FILIP1L: variants seen among roughly 807,000 people sequenced by gnomAD.
The protein encoded by FILIP1L is filamin A-interacting protein 1-like.
A neutral mutation model predicts 96.6 loss-of-function variants in FILIP1L; 55 were observed. The observed-to-expected ratio is 0.57, with a 90% CI of 0.46 to 0.71. The LOEUF is 0.71. FILIP1L is among the 30% of genes least tolerant of loss of function. The pLI is 0.00. For missense variants in FILIP1L, 1,304 were observed against 1,321.2 expected (o/e 0.99, Z 0.20); for synonymous variants, 467 against 473.9 (o/e 0.99, Z 0.19).
chr3:100,044,079 C>G (rs1342252988), intron 1 of FILIP1L, among the ~76,000 whole-genome samples: 2 of 152,186 alleles, frequency 1.3e-5, no homozygotes, highest in Non-Finnish European at 2.9e-5. Flanking sequence ...CTATGACAAA[C>G]TCTGTCCTGC....
intron 1 of FILIP1L, among the ~76,000 whole-genome samples, chr3:100,052,471 A>T (rs2065390774): frequency 6.6e-6 from 1 of 152,026 alleles, no homozygotes; most frequent in South Asian, 2.1e-4. Flanking sequence ...CAGTTGGAGG[A>T]TGGGTCTTAT....
intron 4 of FILIP1L, among the ~76,000 whole-genome samples, chr3:99,863,212 C>T (rs551100740): frequency 4.9e-4 from 74 of 152,280 alleles, no homozygotes; most frequent in Non-Finnish European, 5.4e-4. Flanking sequence ...ACCTAGATCC[C>T]TCACCTGCAC....
intron 1 of FILIP1L, among the ~76,000 whole-genome samples, chr3:100,063,013 TAGG>T (rs1375826801): frequency 1.3e-5 from 2 of 152,252 alleles, no homozygotes; most frequent in Non-Finnish European, 2.9e-5. Flanking sequence ...GCAAAATTTC[TAGG>T]AGTTCTCAGG....
chr3:99,983,464 G>GTATGTA (rs1709219766), intron 1 of FILIP1L, among the ~76,000 whole-genome samples: 1 of 12,676 alleles, frequency 7.9e-5, no homozygotes, highest in Non-Finnish European at 1.7e-4. Flanking sequence ...ATATATGTGT[G>GTATGTA]TATATATATA....
At chr3:100,020,759 G>C (rs1333148943) in intron 1 of FILIP1L, among the ~76,000 whole-genome samples, 1 of 111,628 alleles carries the variant, frequency 9.0e-6, no homozygotes, top group Non-Finnish European at 1.8e-5. Flanking sequence ...TGAATAATTA[G>C]CTTTTTTTTT....
chr3:99,970,880 T>G (rs1212552658), intron 1 of FILIP1L, among the ~76,000 whole-genome samples: 1 of 152,142 alleles, frequency 6.6e-6, no homozygotes, highest in African/African-American at 2.4e-5. Flanking sequence ...TGGATGCAAT[T>G]AAAGGGAAAA....
intron 1 of FILIP1L, among the ~76,000 whole-genome samples, chr3:100,003,855 G>A (rs1387788262): frequency 1.3e-5 from 2 of 152,094 alleles, no homozygotes; most frequent in Non-Finnish European, 2.9e-5. Context: ...AACTTTGCAT[G>A]AGTTCAACTA....
At chr3:99,947,892 T>G (rs1255206078) in intron 1 of FILIP1L, among the ~76,000 whole-genome samples, 2 of 152,202 alleles carry the variant, frequency 1.3e-5, no homozygotes, top group Non-Finnish European at 2.9e-5. Flanking sequence ...GCACATTTTT[T>G]CCTTTCATGG....
At chr3:100,091,890 G>T (rs2066116754) in intron 1 of FILIP1L, among the ~76,000 whole-genome samples, 1 of 152,132 alleles carries the variant, frequency 6.6e-6, no homozygotes, top group South Asian at 2.1e-4. Flanking sequence ...AACTGTAAAG[G>T]CAGTATATAA....
At chr3:99,924,434 G>A (rs962804414) in intron 3 of FILIP1L, 26 bp from the exon 4 acceptor site, 2 of 1,603,816 alleles carry the variant, frequency 1.2e-6, no homozygotes, top group Non-Finnish European at 1.7e-6. Context: ...TTTATAGCCT[G>A]TTACCAAATT....
At chr3:99,893,628 AT>A (rs1706162152) in intron 4 of FILIP1L, among the ~76,000 whole-genome samples, 1 of 152,158 alleles carries the variant, frequency 6.6e-6, no homozygotes, top group Admixed American at 6.5e-5. Flanking sequence ...GAATTACATC[AT>A]TTGTTTGACA....
At chr3:99,835,507 C>G (rs745575778) in intron 5 of FILIP1L, among the ~76,000 whole-genome samples, 2 of 152,186 alleles carry the variant, frequency 1.3e-5, no homozygotes, top group Admixed American at 6.5e-5. Context: ...ACTATGAGCA[C>G]TATTTAAGTC....
At chr3:100,052,483 G>T (rs2065391111) in intron 1 of FILIP1L, among the ~76,000 whole-genome samples, 1 of 152,082 alleles carries the variant, frequency 6.6e-6, no homozygotes, top group African/African-American at 2.4e-5. Flanking sequence ...GGGTCTTATG[G>T]CACCATTTGT....
intron 1 of FILIP1L, among the ~76,000 whole-genome samples, chr3:100,005,079 G>T (rs1310855744): frequency 1.3e-5 from 2 of 152,176 alleles, no homozygotes; most frequent in Non-Finnish European, 2.9e-5. Flanking sequence ...AGCCAGTAAA[G>T]GTTCAACTCT....
chr3:99,833,321 T>C (rs1432179847), intron 5 of FILIP1L: 3 of 1,429,256 alleles, frequency 2.1e-6, no homozygotes, highest in Admixed American at 1.8e-5. Flanking sequence ...TCTAAAAGTG[T>C]TGGTTTGTTT....
intron 5 of FILIP1L, among the ~76,000 whole-genome samples, chr3:99,842,117 A>T (rs1943159563): frequency 6.6e-6 from 1 of 152,186 alleles, no homozygotes; most frequent in African/African-American, 2.4e-5. Flanking sequence ...GATAAAGAAA[A>T]TGTGGTATAT....
At chr3:100,093,059 C>T (rs1385886827) in intron 1 of FILIP1L, among the ~76,000 whole-genome samples, 1 of 151,720 alleles carries the variant, frequency 6.6e-6, no homozygotes, top group African/African-American at 2.4e-5. Context: ...TAGATAACTG[C>T]AGAAATAGAA....
chr3:100,060,516 A>G (rs2065545026), intron 1 of FILIP1L, among the ~76,000 whole-genome samples: 1 of 152,112 alleles, frequency 6.6e-6, no homozygotes, highest in Non-Finnish European at 1.5e-5. Flanking sequence ...AAATACATAA[A>G]AATGCTTAGC....
chr3:100,004,587 G>A (rs1454280262), intron 1 of FILIP1L, among the ~76,000 whole-genome samples: 1 of 152,088 alleles, frequency 6.6e-6, no homozygotes, highest in Non-Finnish European at 1.5e-5. Context: ...CAAGATACAA[G>A]GAATTAAGAA....
Sources: allele counts gnomAD v4.1 joint callset (sites outside exome capture counted in the v4.1 genomes callset), GRCh38; gene constraint gnomAD v4.1.1; transcripts MANE v1.5; gene names NCBI Gene and HGNC (gene_info 2026-07-23, HGNC 2026-07-21).